Variants in CDKAL1 observed in about 807,000 individuals in gnomAD.
CDKAL1 encodes threonylcarbamoyladenosine tRNA methylthiotransferase.
In CDKAL1, 32 loss-of-function variants were observed where a neutral mutation model predicts 68.2. That is an observed-to-expected ratio of 0.47 (90% CI 0.35 to 0.63). The LOEUF (loss-of-function observed/expected upper bound fraction) is 0.63, where lower values mean the gene tolerates loss of function less well. Among genes scored for constraint, CDKAL1 ranks in the 30% least tolerant of loss-of-function variants. The pLI, the probability that CDKAL1 is intolerant of heterozygous loss-of-function variation, is 0.00. For missense variants in CDKAL1, 606 were observed against 696.7 expected, an observed-to-expected ratio of 0.87 and a Z score of 1.47; for synonymous variants, 234 against 244.3, an observed-to-expected ratio of 0.96 and a Z score of 0.39.
chr6:20,819,667 T>C (rs1777193205), intron 8 of CDKAL1, among the ~76,000 whole-genome samples: 1 of 152,170 alleles, frequency 6.6e-6, no homozygotes, highest in Non-Finnish European at 1.5e-5. Context: ...AACGCTTTGG[T>C]CATTAAACAA....
intron 5 of CDKAL1, among the ~76,000 whole-genome samples, chr6:20,696,347 A>G (rs1162239512): frequency 1.3e-5 from 2 of 152,264 alleles, no homozygotes; most frequent in African/African-American, 4.8e-5. Flanking sequence ...CCAGGGCTCC[A>G]GAGCTTTTAG....
chr6:21,057,743 T>A (rs1770914438), intron 11 of CDKAL1, among the ~76,000 whole-genome samples: 1 of 152,246 alleles, frequency 6.6e-6, no homozygotes, highest in Non-Finnish European at 1.5e-5. Context: ...AAGAACTTTT[T>A]AATTTCTACC....
At position 20,986,332 on chromosome 6, in the gene CDKAL1, C is replaced by T. The variant is rs191699748; in HGVS notation, c.910-13895C>T. ...ATATAATTTTATAATTTAGTTGTTTCAAGATGATAGCAAGAGTAATGAATC... is the reference window on the plus strand; with the variant it reads ...ATATAATTTTATAATTTAGTTGTTTTAAGATGATAGCAAGAGTAATGAATC... On this transcript the variant is annotated intron_variant, in intron 10 of 15. Transcript: ENST00000274695. Among the ~76,000 whole-genome samples, 140 of 152,116 alleles carry T rather than the reference C, an allele frequency of 9.2e-4. 1 individual carries two copies. Among genetic ancestry groups the T allele is most frequent in the African/African-American group, 3.1e-3 (128 of 41,492 alleles).
At chr6:20,598,704 A>T (rs995488902) in intron 4 of CDKAL1, among the ~76,000 whole-genome samples, 2 of 152,198 alleles carry the variant, frequency 1.3e-5, no homozygotes, top group Non-Finnish European at 2.9e-5. Context: ...AGCATTTAGA[A>T]TGAAGGTAAT....
intron 10 of CDKAL1, among the ~76,000 whole-genome samples, chr6:20,998,426 A>G (rs1235276692): frequency 6.6e-6 from 1 of 152,172 alleles, no homozygotes; most frequent in African/African-American, 2.4e-5. Context: ...AGCCTGACCA[A>G]CATGGTGAAA....
chr6:21,158,265 C>T (rs1296330920), intron 13 of CDKAL1, among the ~76,000 whole-genome samples: 6 of 152,216 alleles, frequency 3.9e-5, no homozygotes, highest in African/African-American at 1.4e-4. Flanking sequence ...AATACTGCCT[C>T]TTATCTCCCA....
chr6:20,866,162 A>C (rs892029077), intron 9 of CDKAL1, among the ~76,000 whole-genome samples: 50 of 152,180 alleles, frequency 3.3e-4, no homozygotes, highest in Admixed American at 4.6e-4. Context: ...TTGGAGGATA[A>C]TTTGAACCTT....
At chr6:20,662,794 T>C (rs1022657916) in intron 5 of CDKAL1, among the ~76,000 whole-genome samples, 33 of 152,170 alleles carry the variant, frequency 2.2e-4, no homozygotes, top group Non-Finnish European at 4.1e-4. Flanking sequence ...TGTCTTCCAC[T>C]GGATTTTCAT....
intron 14 of CDKAL1, among the ~76,000 whole-genome samples, chr6:21,200,614 C>G (rs1778649247): frequency 6.6e-6 from 1 of 152,194 alleles, no homozygotes; most frequent in Non-Finnish European, 1.5e-5. Flanking sequence ...TTCCTCATTG[C>G]ATGGAATAGC....
At chr6:21,159,830 GTT>G (rs1388273782) in intron 13 of CDKAL1, among the ~76,000 whole-genome samples, 1 of 152,184 alleles carries the variant, frequency 6.6e-6, no homozygotes, top group Admixed American at 6.5e-5. Context: ...TTCAGGCAGA[GTT>G]TGAGATTCAA....
chr6:20,843,379 A>AG (rs780212624), intron 8 of CDKAL1, among the ~76,000 whole-genome samples: 9 of 152,028 alleles, frequency 5.9e-5, no homozygotes, highest in Non-Finnish European at 1.3e-4. Flanking sequence ...AAACAGCCCA[A>AG]GTCAGAAATA....
At chr6:20,600,771 C>CATATATATATATATAT (rs10522824) in intron 4 of CDKAL1, among the ~76,000 whole-genome samples, 45 of 124,166 alleles carry the variant, frequency 3.6e-4, no homozygotes, top group African/African-American at 1.3e-3. Flanking sequence ...TATATGTATA[C>CATATATATATATATAT]ATATATATAT....
At chr6:21,029,889 A>C (rs1200233052) in intron 11 of CDKAL1, among the ~76,000 whole-genome samples, 1 of 152,188 alleles carries the variant, frequency 6.6e-6, no homozygotes, top group Non-Finnish European at 1.5e-5. Context: ...TGGGTATAGA[A>C]GTTAGTTCAA....
intron 8 of CDKAL1, among the ~76,000 whole-genome samples, chr6:20,781,944 A>C (rs1226470718): frequency 6.6e-6 from 1 of 152,208 alleles, no homozygotes; most frequent in Admixed American, 6.5e-5. Context: ...TTACCCGTAC[A>C]ACCACATCTC....
chr6:20,730,570 T>C (rs9942459), intron 5 of CDKAL1, among the ~76,000 whole-genome samples: 37,482 of 151,068 alleles, frequency 0.25, 5,374 homozygotes, highest in Non-Finnish European at 0.34. Context: ...ATAGGCCAGG[T>C]GTGGTGGCTC....
intron 9 of CDKAL1, among the ~76,000 whole-genome samples, chr6:20,872,795 G>T (rs780293891): frequency 1.3e-5 from 2 of 152,188 alleles, no homozygotes; most frequent in Non-Finnish European, 2.9e-5. Flanking sequence ...AAATGTTCCA[G>T]GTGGGAGTCT....
chr6:20,814,583 T>TC (rs2150428966), intron 8 of CDKAL1, among the ~76,000 whole-genome samples: 1 of 152,330 alleles, frequency 6.6e-6, no homozygotes, highest in East Asian at 1.9e-4. Flanking sequence ...CCTGACCTTT[T>TC]TCTCTGATTG....
chr6:20,954,139 T>G (rs1186882520), intron 9 of CDKAL1, among the ~76,000 whole-genome samples: 2 of 152,198 alleles, frequency 1.3e-5, no homozygotes, highest in East Asian at 3.8e-4. Context: ...AGTAATTATA[T>G]TTCTTATGCT....
chr6:20,696,544 C>T (rs1771114303), intron 5 of CDKAL1, among the ~76,000 whole-genome samples: 1 of 152,070 alleles, frequency 6.6e-6, no homozygotes, highest in African/African-American at 2.4e-5. Flanking sequence ...TTATCTCTGT[C>T]CATGGGTTTA....
Sources: gnomAD v4.1 joint callset for allele counts (sites outside exome capture counted in the v4.1 genomes callset) on GRCh38, gnomAD v4.1.1 for gene constraint, MANE v1.5 for transcripts, NCBI Gene and HGNC (gene_info 2026-07-23, HGNC 2026-07-21) for gene names.